ERH: variants seen among roughly 807,000 people sequenced by gnomAD.
The protein encoded by ERH is ERH mRNA splicing and mitosis factor.
ERH carries 1 observed loss-of-function variant against 16.8 expected under a neutral mutation model. The ratio of observed to expected loss-of-function variants is 0.06; its 90% CI spans 0.02 to 0.28. ERH has a LOEUF of 0.28. Ranked by LOEUF, ERH falls within the 10% of genes least tolerant of loss-of-function variation. The pLI, the probability that ERH is intolerant of heterozygous loss-of-function variation, is 1.00. For missense variants in ERH, 42 were observed against 127.5 expected (o/e 0.33, Z 3.23); for synonymous variants, 43 against 43.6 (o/e 0.99, Z 0.05).
chr14:69,380,482 G>T lies in ERH; in HGVS notation c.*56C>A. On this transcript the variant is annotated 3_prime_UTR_variant, in exon 4 of 4. Coordinates refer to ENST00000557016, the MANE Select transcript of ERH (RefSeq NM_004450.3). ...TGATACAAAACTTCCACTACAGCAC[G>T]CTGTACACACCTGTGTTCCAAGCCC... 2.1e-6 allele frequency: 2 copies of T among 971,448 alleles called. No individual in the cohort carries two copies. The highest frequency in any genetic ancestry group is 2.4e-5 in the East Asian group (1 of 41,580). 60.2% of individuals were successfully genotyped at this position (971,448 alleles called of 1,614,324 possible). A position where few individuals can be genotyped will look rare whatever the true frequency, so the allele number is the denominator to read the frequency against.
intron 3 of ERH, among the ~76,000 whole-genome samples, chr14:69,381,300 T>C (rs1365289232): frequency 6.6e-6 from 1 of 152,148 alleles, no homozygotes; most frequent in Non-Finnish European, 1.5e-5. Flanking sequence ...GAACAAACTT[T>C]AGATTTGCAA....
chr14:69,387,751 G>A (rs943150951), intron 2 of ERH, among the ~76,000 whole-genome samples: 2 of 145,628 alleles, frequency 1.4e-5, no homozygotes, highest in Non-Finnish European at 1.5e-5. Context: ...GTATATTTAA[G>A]ATCCTAGACT....
At chr14:69,398,047 C>T (rs1191152988) in intron 1 of ERH, 184 bp downstream of exon 1, 2 of 756,596 alleles carry the variant, frequency 2.6e-6, no homozygotes, top group East Asian at 2.7e-5. Context: ...CGGACCGGGG[C>T]TCCGAGGCCT....
intron 2 of ERH, among the ~76,000 whole-genome samples, chr14:69,389,367 T>A (rs1050077263): frequency 3.3e-5 from 5 of 152,146 alleles, no homozygotes; most frequent in African/African-American, 1.2e-4. Flanking sequence ...GCTTTTCTGT[T>A]AAGATTAGGA....
intron 3 of ERH, among the ~76,000 whole-genome samples, chr14:69,384,827 C>A (rs1158770236): frequency 6.6e-6 from 1 of 152,182 alleles, no homozygotes; most frequent in Non-Finnish European, 1.5e-5. Context: ...AATTAATATA[C>A]ACATTATTGG....
intron 3 of ERH, among the ~76,000 whole-genome samples, chr14:69,384,048 C>A (rs1471749874): frequency 2.0e-5 from 3 of 152,062 alleles, no homozygotes; most frequent in Non-Finnish European, 2.9e-5. Context: ...TAATGACATA[C>A]TTGTATATCA....
At chr14:69,384,882 C>T (rs1225043999) in intron 3 of ERH, among the ~76,000 whole-genome samples, 1 of 152,168 alleles carries the variant, frequency 6.6e-6, no homozygotes, top group African/African-American at 2.4e-5. Flanking sequence ...TTAGGCCTCC[C>T]AATTCCATGA....
At chr14:69,383,540 T>C (rs1026390420) in intron 3 of ERH, among the ~76,000 whole-genome samples, 2 of 152,216 alleles carry the variant, frequency 1.3e-5, no homozygotes, top group Non-Finnish European at 2.9e-5. Flanking sequence ...ATAACCAAAG[T>C]CACCTGGGGA....
At chr14:69,384,519 C>T (rs965170539) in intron 3 of ERH, among the ~76,000 whole-genome samples, 4 of 152,210 alleles carry the variant, frequency 2.6e-5, no homozygotes, top group Non-Finnish European at 5.9e-5. Flanking sequence ...TTCAAGTTTA[C>T]TTCCCACTTA....
In ERH at chr14:69,380,431, A is replaced by G. The variant is rs1165440557; in HGVS notation, c.*107T>C. 1.6e-6 allele frequency: 1 copy of G among 642,902 alleles called. No homozygotes were observed. The highest frequency in any genetic ancestry group is 2.1e-5 in the South Asian group (1 of 48,730). The allele number at this position is 642,902 out of a possible 1,614,324, so 39.8% of individuals were successfully genotyped here. On this transcript the variant is annotated 3_prime_UTR_variant, in exon 4 of 4. Coordinates refer to ENST00000557016, the MANE Select transcript of ERH (RefSeq NM_004450.3). ...TAATACAGTCAATCTTGGCTAGAGT[A>G]TAACAAAGTGGAAACAGGATTACTA...
At chr14:69,390,285 G>A (rs554691904) in intron 2 of ERH, among the ~76,000 whole-genome samples, 4 of 152,246 alleles carry the variant, frequency 2.6e-5, no homozygotes, top group African/African-American at 9.6e-5. Flanking sequence ...AACACTGGAG[G>A]ATTCAAACTT....
chr14:69,381,224 C>A (rs1025022211), intron 3 of ERH, among the ~76,000 whole-genome samples: 1 of 151,972 alleles, frequency 6.6e-6, no homozygotes, highest in Non-Finnish European at 1.5e-5. Context: ...TGCAGTGAGC[C>A]GAGATCGTGC....
intron 3 of ERH, among the ~76,000 whole-genome samples, chr14:69,384,966 T>A (rs7140358): frequency 1.3e-5 from 2 of 152,068 alleles, no homozygotes; most frequent in African/African-American, 2.4e-5. Context: ...TTCCAACTAC[T>A]TCAATTTCCT....
At chr14:69,381,169 T>G (rs2045861280) in intron 3 of ERH, among the ~76,000 whole-genome samples, 2 of 152,130 alleles carry the variant, frequency 1.3e-5, no homozygotes, top group Non-Finnish European at 2.9e-5. Context: ...TAGTCCTGCC[T>G]ACTCAGGAGG....
At chr14:69,388,792 T>C (rs1385093369) in intron 2 of ERH, among the ~76,000 whole-genome samples, 1 of 152,206 alleles carries the variant, frequency 6.6e-6, no homozygotes, top group Admixed American at 6.5e-5. Context: ...AAAAAACATG[T>C]CCTATACTGT....
At chr14:69,388,172 G>C (rs570352939) in intron 2 of ERH, among the ~76,000 whole-genome samples, 1 of 152,140 alleles carries the variant, frequency 6.6e-6, no homozygotes, top group African/African-American at 2.4e-5. Context: ...AGAGTTAAGA[G>C]TGCCTCTTCA....
rs202027027 is a variant in ERH, at chr14:69,398,228, C to T, written c.3+3G>A. 17 of 1,614,106 alleles carry T rather than the reference C, an allele frequency of 1.1e-5. No homozygotes were observed. The East Asian group carries it at 2.0e-4, about 19-fold the overall frequency. ...CTCGGGTAGCCGCGGAGGCCTTTCTCACCATCGCGCCAAACTCTCTTCGCT... is the reference window on the plus strand; with the variant it reads ...CTCGGGTAGCCGCGGAGGCCTTTCTTACCATCGCGCCAAACTCTCTTCGCT... On this transcript the variant is annotated splice_donor_region_variant and intron_variant, in intron 1 of 3. Transcript: ENST00000557016.
intron 3 of ERH, among the ~76,000 whole-genome samples, chr14:69,384,229 A>C (rs918222813): frequency 6.6e-6 from 1 of 152,240 alleles, no homozygotes; most frequent in Non-Finnish European, 1.5e-5. Context: ...ATTAAAAATA[A>C]AACTCTATCC....
At chr14:69,382,435 A>G (rs2045868155) in intron 3 of ERH, among the ~76,000 whole-genome samples, 1 of 152,230 alleles carries the variant, frequency 6.6e-6, no homozygotes, top group Admixed American at 6.5e-5. Context: ...CACAATTATC[A>G]TATCTGGGTG....
Sources: gnomAD v4.1 joint callset for allele counts (sites outside exome capture counted in the v4.1 genomes callset) on GRCh38, gnomAD v4.1.1 for gene constraint, MANE v1.5 for transcripts, NCBI Gene and HGNC (gene_info 2026-07-23, HGNC 2026-07-21) for gene names.